The following SHOC2 variants were observed in gnomAD, a reference collection of about 807,000 sequenced individuals.
The protein encoded by SHOC2 is SHOC2 leucine rich repeat scaffold protein.
SHOC2 carries 4 observed loss-of-function variants against 50.2 expected under a neutral mutation model. That is an observed-to-expected ratio of 0.08 (90% CI 0.04 to 0.18). The LOEUF is 0.18. Among genes scored for constraint, SHOC2 ranks in the 10% least tolerant of loss-of-function variants. The pLI is 1.00. For missense variants in SHOC2, 388 were observed against 669.6 expected (o/e 0.58, Z 4.64); for synonymous variants, 218 against 244.5 (o/e 0.89, Z 1.01).
At chr10:110,933,334 G>GTA (rs1486223246) in intron 1 of SHOC2, among the ~76,000 whole-genome samples, 17 of 152,078 alleles carry the variant, frequency 1.1e-4, no homozygotes, top group African/African-American at 4.1e-4. Flanking sequence ...AACACTTTAT[G>GTA]TTCTTCTAGA....
At chr10:110,960,969 G>A (rs140028279) in intron 1 of SHOC2, among the ~76,000 whole-genome samples, 1 of 152,116 alleles carries the variant, frequency 6.6e-6, no homozygotes, top group Non-Finnish European at 1.5e-5. Flanking sequence ...GAACCACCAC[G>A]CCTGGCCAAA....
chr10:111,011,340 C>G (rs1437012220), intron 8 of SHOC2, among the ~76,000 whole-genome samples: 1 of 152,092 alleles, frequency 6.6e-6, no homozygotes, highest in East Asian at 1.9e-4. Flanking sequence ...AAAACCTCTC[C>G]AAGCTTGAAG....
intron 1 of SHOC2, among the ~76,000 whole-genome samples, chr10:110,947,395 A>G (rs1478643725): frequency 1.3e-5 from 2 of 152,254 alleles, no homozygotes; most frequent in African/African-American, 4.8e-5. Context: ...GCTGACTGGT[A>G]AAGGGCTTCC....
Position 110,936,869 on chromosome 10 carries a change from G to C in SHOC2, c.-235+17212G>C, listed in dbSNP as rs773899250. On this transcript the variant is annotated intron_variant, in intron 1 of 8. Coordinates refer to ENST00000369452, the MANE Select transcript of SHOC2 (RefSeq NM_007373.4). The stretch of plus-strand genomic sequence containing the variant: ...CTTCAGACGCACAACCTTGAGGGCA[G>C]CAGGAACCACCATCCGCTTTTTCTT... 3.7e-5 allele frequency: 51 copies of C among 1,364,224 alleles called. 2 individuals carry two copies. The South Asian group carries it at 5.7e-4, about 15-fold the overall frequency. The allele number at this position is 1,364,224 out of a possible 1,614,324, so 84.5% of individuals were successfully genotyped here. A position where few individuals can be genotyped will look rare whatever the true frequency, so the allele number is the denominator to read the frequency against.
Position 111,011,652 on chromosome 10 carries a change from C to T in SHOC2, c.1583C>T (p.Pro528Leu), listed in dbSNP as rs1355918280. The T allele has an allele frequency of 2.5e-6, 4 of 1,613,828 alleles. No individual in the cohort carries two copies. Among genetic ancestry groups the T allele is most frequent in the Non-Finnish European group, 3.4e-6 (4 of 1,179,902 alleles). Residue 528 changes from proline (P) to leucine (L), a missense_variant, in exon 9 of 9, where the codon CCC (proline) becomes CTC (leucine). Physicochemically the swap from Pro to Leu is moderately conservative, Grantham distance 98. Around this residue, in one of 5 missense-constraint regions of SHOC2, gnomAD observed 130 missense variants for 208.6 expected, o/e 0.62. Transcript: ENST00000369452. ...GAAGAACTGTATTTGAATGACAACC[C>T]CAACCTGCATAGCCTTCCCTTTGAG... is the stretch of plus-strand genomic sequence containing the variant. ...NLEELYLNDN[P>L]NLHSLPFELA...
chr10:110,932,664 GC>G (rs1452598585), intron 1 of SHOC2, among the ~76,000 whole-genome samples: 1 of 152,140 alleles, frequency 6.6e-6, no homozygotes, highest in Non-Finnish European at 1.5e-5. Flanking sequence ...CTTTTAAGAA[GC>G]CTTTCCTGAT....
chr10:110,947,048 T>G (rs1198650974), intron 1 of SHOC2, among the ~76,000 whole-genome samples: 2 of 152,156 alleles, frequency 1.3e-5, no homozygotes, highest in Non-Finnish European at 2.9e-5. Context: ...ATACAACAAA[T>G]GATGCATTGA....
Position 111,011,646 on chromosome 10 carries a change from A to G in SHOC2, c.1577A>G (p.Asp526Gly). The G allele has an allele frequency of 9.3e-6, 15 of 1,613,970 alleles. No individual in the cohort carries two copies. The highest frequency in any genetic ancestry group is 1.3e-5 in the Non-Finnish European group (15 of 1,179,892). ...AACCTAGAAGAACTGTATTTGAATG[A>G]CAACCCCAACCTGCATAGCCTTCCC... The part of the protein sequence containing the change: ...LENLEELYLN[D>G]NPNLHSLPFE... The change falls in exon 9 of 9, where the codon GAC becomes GGC. Residue 526 changes from aspartate to glycine, a missense_variant. Around this residue, in one of 5 missense-constraint regions of SHOC2, gnomAD observed 130 missense variants for 208.6 expected, o/e 0.62. Transcript: ENST00000369452.
intron 2 of SHOC2, among the ~76,000 whole-genome samples, chr10:110,976,202 A>G (rs1259957481): frequency 6.6e-6 from 1 of 152,070 alleles, no homozygotes; most frequent in African/African-American, 2.4e-5. Flanking sequence ...GAGCTACCAC[A>G]CCCAGCCTCA....
intron 2 of SHOC2, among the ~76,000 whole-genome samples, chr10:110,969,289 T>C (rs946719072): frequency 6.6e-6 from 1 of 152,160 alleles, no homozygotes; most frequent in African/African-American, 2.4e-5. Context: ...AAAAGACTCT[T>C]CACTCTATAC....
intron 1 of SHOC2, among the ~76,000 whole-genome samples, chr10:110,950,833 T>G (rs1847337325): frequency 6.6e-6 from 1 of 152,124 alleles, no homozygotes; most frequent in South Asian, 2.1e-4. Context: ...GCATAAAAAT[T>G]TCATTCCTGT....
intron 1 of SHOC2, among the ~76,000 whole-genome samples, chr10:110,921,044 A>G (rs777896860): frequency 3.3e-5 from 5 of 152,244 alleles, no homozygotes; most frequent in Non-Finnish European, 5.9e-5. Flanking sequence ...TTTTAATTTT[A>G]AAGACCTCAA....
At chr10:110,943,179 G>A (rs368471168) in intron 1 of SHOC2, among the ~76,000 whole-genome samples, 215 of 150,984 alleles carry the variant, frequency 1.4e-3, no homozygotes, top group South Asian at 3.6e-3. Context: ...CTTTCCTTCT[G>A]GGACTCCCAT....
chr10:110,997,966 A>G (rs1417768697), intron 3 of SHOC2, among the ~76,000 whole-genome samples: 1 of 150,558 alleles, frequency 6.6e-6, no homozygotes, highest in Non-Finnish European at 1.5e-5. Flanking sequence ...TTTTCTGCCA[A>G]CCCAGCTTTT....
chr10:110,935,558 C>G (rs543533604), intron 1 of SHOC2, among the ~76,000 whole-genome samples: 1 of 152,244 alleles, frequency 6.6e-6, no homozygotes, highest in East Asian at 1.9e-4. Context: ...AAATCTCTTT[C>G]ATTTTCATCC....
At chr10:111,002,836 C>T (rs1848403832) in intron 4 of SHOC2, among the ~76,000 whole-genome samples, 1 of 151,796 alleles carries the variant, frequency 6.6e-6, no homozygotes, top group African/African-American at 2.4e-5. Context: ...GAAATGAGAG[C>T]TTGAAGAGCT....
intron 1 of SHOC2, among the ~76,000 whole-genome samples, chr10:110,928,768 A>G (rs1024349632): frequency 5.3e-5 from 8 of 151,998 alleles, no homozygotes; most frequent in African/African-American, 1.9e-4. Context: ...GGTGGCATGC[A>G]TCGGTAGTCC....
chr10:110,981,920 A>T (rs1463785132), intron 2 of SHOC2, among the ~76,000 whole-genome samples: 5 of 139,308 alleles, frequency 3.6e-5, no homozygotes, highest in Non-Finnish European at 4.7e-5. Context: ...TTAGTTACAT[A>T]TGTATACATG....
intron 3 of SHOC2, among the ~76,000 whole-genome samples, chr10:110,987,740 AC>A (rs1424371355): frequency 3.9e-5 from 6 of 152,306 alleles, no homozygotes; most frequent in Non-Finnish European, 7.4e-5. Context: ...GAGAAAAAAA[AC>A]ATAGGATATT....
Sources: allele counts gnomAD v4.1 joint callset (sites outside exome capture counted in the v4.1 genomes callset), GRCh38; gene constraint gnomAD v4.1.1; regional missense constraint gnomAD v4.1.1; transcripts MANE v1.5; gene names NCBI Gene and HGNC (gene_info 2026-07-23, HGNC 2026-07-21).